The following MAP3K5 variants were observed in gnomAD, a reference collection of about 807,000 sequenced individuals.
The protein encoded by MAP3K5 is ASK-1.
In MAP3K5, 56 loss-of-function variants were observed where a neutral mutation model predicts 158.7. The ratio of observed to expected loss-of-function variants is 0.35; its 90% CI spans 0.28 to 0.44. The LOEUF is 0.44. Ranked by LOEUF, MAP3K5 falls within the 20% of genes least tolerant of loss-of-function variation. The probability of loss-of-function intolerance (pLI) is 1.00; values close to 1 mark genes in which losing one functional copy is unlikely to be tolerated. For missense variants in MAP3K5, 1,294 were observed against 1,674.8 expected (o/e 0.77, Z 3.97); for synonymous variants, 579 against 601.7 (o/e 0.96, Z 0.55).
At chr6:136,788,970 A>G (rs1438558466) in intron 1 of MAP3K5, among the ~76,000 whole-genome samples, 1 of 152,258 alleles carries the variant, frequency 6.6e-6, no homozygotes, top group African/African-American at 2.4e-5. Context: ...GTTCTCACTC[A>G]TAAGTGGGAG....
intron 14 of MAP3K5, chr6:136,636,912 TA>T: frequency 1.0e-6 from 1 of 998,868 alleles, no homozygotes; most frequent in Non-Finnish European, 1.2e-6. Flanking sequence ...TTAATTCCAT[TA>T]ATCTTCCATG....
At chr6:136,676,183 C>T (rs1779695424) in intron 7 of MAP3K5, among the ~76,000 whole-genome samples, 1 of 152,132 alleles carries the variant, frequency 6.6e-6, no homozygotes, top group African/African-American at 2.4e-5. Context: ...CCTTGCTGAC[C>T]AATGAATCTC....
chr6:136,778,310 T>C lies in MAP3K5; in HGVS notation c.448+13400A>G, dbSNP rs148463717. Among the ~76,000 whole-genome samples, 538 of 152,324 alleles carry C rather than the reference T, an allele frequency of 3.5e-3. 5 individuals carry two copies. The highest frequency in any genetic ancestry group is 0.012 in the African/African-American group (519 of 41,572). ...ATACTATTGTGAAAGATTTTTATTT[T>C]TGATGCATTTTCACATCTTTTATAG... is the stretch of plus-strand genomic sequence containing the variant. On this transcript the variant is annotated intron_variant, in intron 1 of 29. Coordinates refer to ENST00000359015, the MANE Select transcript of MAP3K5 (RefSeq NM_005923.4).
chr6:136,756,459 T>C (rs1302348826), intron 1 of MAP3K5, among the ~76,000 whole-genome samples: 2 of 152,170 alleles, frequency 1.3e-5, no homozygotes, highest in Non-Finnish European at 2.9e-5. Flanking sequence ...TTTGTTGCTG[T>C]TGTTGTTGAG....
chr6:136,791,630 G>C, intron 1 of MAP3K5, 80 bp downstream of exon 1: 4 of 1,497,082 alleles, frequency 2.7e-6, no homozygotes, highest in Non-Finnish European at 3.7e-6. Context: ...TTCCCGCCCA[G>C]AAAAATGAAA....
chr6:136,588,754 A>G (rs1775249594), intron 23 of MAP3K5, among the ~76,000 whole-genome samples: 1 of 152,212 alleles, frequency 6.6e-6, no homozygotes, highest in Non-Finnish European at 1.5e-5. Context: ...ACCGTGAGCC[A>G]AAGGAAAGGC....
At chr6:136,740,388 T>C (rs1188425266) in intron 1 of MAP3K5, among the ~76,000 whole-genome samples, 4 of 152,184 alleles carry the variant, frequency 2.6e-5, no homozygotes, top group African/African-American at 9.7e-5. Context: ...ATTTCTGCTG[T>C]TTACTTATGA....
At chr6:136,757,721 G>C (rs1783569889) in intron 1 of MAP3K5, among the ~76,000 whole-genome samples, 1 of 151,622 alleles carries the variant, frequency 6.6e-6, no homozygotes, top group Non-Finnish European at 1.5e-5. Context: ...CAAGTAGCTG[G>C]GATTACAGGC....
rs1177600479 is a variant in MAP3K5, at chr6:136,613,305, T to C, written c.2279-49A>G. ...AATAAATCCTCATTCAAATGAGCTCTTTAAAGTGTATTAATAATGTAACAG... is the reference window on the plus strand; with the variant it reads ...AATAAATCCTCATTCAAATGAGCTCCTTAAAGTGTATTAATAATGTAACAG... On this transcript the variant is annotated intron_variant, in intron 16 of 29. Coordinates refer to ENST00000359015, the MANE Select transcript of MAP3K5 (RefSeq NM_005923.4). The surrounding 1 kb of genome is among the most constrained non-coding windows in gnomAD (Gnocchi z 4.0). The C allele has an allele frequency of 6.5e-7, 1 of 1,530,988 alleles. No homozygotes were observed. The highest frequency in any genetic ancestry group is 1.4e-5 in the African/African-American group (1 of 72,578). 94.8% of individuals were successfully genotyped at this position (1,530,988 alleles called of 1,614,324 possible).
intron 1 of MAP3K5, among the ~76,000 whole-genome samples, chr6:136,762,169 T>C (rs1032625763): frequency 6.6e-6 from 1 of 151,444 alleles, no homozygotes; most frequent in Non-Finnish European, 1.5e-5. Flanking sequence ...GTGACAAAAA[T>C]AAGAAAGGGA....
intron 12 of MAP3K5, 56 bp from the exon 13 acceptor site, chr6:136,639,694 C>A: frequency 2.5e-6 from 2 of 799,888 alleles, no homozygotes; most frequent in Non-Finnish European, 4.1e-6. Flanking sequence ...CTTCTACAGT[C>A]CTATGATGAA....
At chr6:136,668,288 G>A (rs1162188906) in intron 8 of MAP3K5, among the ~76,000 whole-genome samples, 1 of 152,140 alleles carries the variant, frequency 6.6e-6, no homozygotes, top group Non-Finnish European at 1.5e-5. Flanking sequence ...GGAGGCCAAA[G>A]TGGGAGGATC....
intron 8 of MAP3K5, among the ~76,000 whole-genome samples, chr6:136,668,686 A>G (rs1239369534): frequency 6.6e-6 from 1 of 152,190 alleles, no homozygotes; most frequent in Non-Finnish European, 1.5e-5. Context: ...TTAAATTCCC[A>G]GGGAAAGGCA....
intron 18 of MAP3K5, among the ~76,000 whole-genome samples, chr6:136,610,718 G>T (rs576986346): frequency 1.3e-5 from 2 of 151,328 alleles, no homozygotes; most frequent in African/African-American, 4.9e-5. Context: ...ATCTTCAGTG[G>T]CATTAAGCAG....
intron 6 of MAP3K5, 139 bp downstream of exon 6, chr6:136,695,812 T>C (rs113374977): frequency 6.4e-6 from 3 of 472,208 alleles, no homozygotes; most frequent in Non-Finnish European, 1.1e-5. Flanking sequence ...CTATATTTCA[T>C]GGGGCTGAAG....
rs1056744547 is a variant in MAP3K5, at chr6:136,602,294, TTTTC to T, written c.2680-319_2680-316del. ...ATTGGCACACAAAAAGGATCTTTAT[TTTTC>T]TTTCTTTCTTTCTTTTTTTTGAGAC... On this transcript the variant is annotated intron_variant, in intron 19 of 29. Coordinates refer to ENST00000359015, the MANE Select transcript of MAP3K5 (RefSeq NM_005923.4). 4.6e-5 allele frequency among the ~76,000 whole-genome samples: 7 copies of T among 152,142 alleles called. No homozygotes were observed. In the East Asian group the frequency reaches 7.7e-4, roughly 17 times the overall value.
intron 11 of MAP3K5, among the ~76,000 whole-genome samples, chr6:136,643,933 C>A: frequency 6.6e-6 from 1 of 152,140 alleles, no homozygotes; most frequent in Admixed American, 6.5e-5. Context: ...CCAGGAGCTG[C>A]AGCTGTTACC....
rs150978638 is a variant in MAP3K5, at chr6:136,722,991, G to A, written c.449-2402C>T. Among the ~76,000 whole-genome samples, 368 of 152,096 alleles carry A rather than the reference G, an allele frequency of 2.4e-3. 2 individuals carry two copies. In the Middle Eastern group the frequency reaches 0.034, roughly 14 times the overall value. The stretch of plus-strand genomic sequence containing the variant: ...GCATGAGCCACCACACCCCAGCCAA[G>A]TGTAAACTTTCTAGAAGGCTTAAAT... On this transcript the variant is annotated intron_variant, in intron 1 of 29. Coordinates refer to ENST00000359015, the MANE Select transcript of MAP3K5 (RefSeq NM_005923.4).
intron 1 of MAP3K5, among the ~76,000 whole-genome samples, chr6:136,756,362 C>T (rs1410600315): frequency 6.6e-6 from 1 of 152,110 alleles, no homozygotes; most frequent in Non-Finnish European, 1.5e-5. Flanking sequence ...GGCATGGATG[C>T]TATACAGCTA....
Sources: allele counts gnomAD v4.1 joint callset (sites outside exome capture counted in the v4.1 genomes callset), GRCh38; gene constraint gnomAD v4.1.1; non-coding constraint Gnocchi (gnomAD v3.1); transcripts MANE v1.5; gene names NCBI Gene and HGNC (gene_info 2026-07-23, HGNC 2026-07-21).